Variants in BCAS1 observed in about 807,000 individuals in gnomAD.
BCAS1 encodes the protein breast carcinoma-amplified sequence 1.
In BCAS1, 46 loss-of-function variants were observed where a neutral mutation model predicts 65.4. The observed-to-expected ratio is 0.70, with a 90% CI of 0.55 to 0.90. BCAS1 has a LOEUF of 0.90. BCAS1 is among the 40% of genes least tolerant of loss of function. The pLI is 0.00. For synonymous variants in BCAS1, 298 were observed against 293.5 expected, an observed-to-expected ratio of 1.02 and a Z score of -0.16; for missense variants, 793 against 771.2, an observed-to-expected ratio of 1.03 and a Z score of -0.33.
chr20:53,952,359 T>C (rs2089554711), intron 12 of BCAS1, among the ~76,000 whole-genome samples: 1 of 152,206 alleles, frequency 6.6e-6, no homozygotes. Flanking sequence ...GCTTCCATTT[T>C]GTAGAGGAGA....
chr20:54,069,115 C>T (rs928775281), intron 1 of BCAS1, among the ~76,000 whole-genome samples: 1 of 152,160 alleles, frequency 6.6e-6, no homozygotes, highest in Admixed American at 6.5e-5. Context: ...GCATGCCCCG[C>T]CCCGTCTGTT....
At chr20:53,992,678 C>T in intron 6 of BCAS1, 32 bp from the exon 7 acceptor site, 1 of 1,363,700 alleles carries the variant, frequency 7.3e-7, no homozygotes, top group Non-Finnish European at 9.8e-7. Context: ...AACCTCAGAA[C>T]TTTGTTTTTG....
At chr20:54,060,797 C>T (rs776420162) in intron 1 of BCAS1, among the ~76,000 whole-genome samples, 4 of 151,970 alleles carry the variant, frequency 2.6e-5, no homozygotes, top group Non-Finnish European at 5.9e-5. Flanking sequence ...TTGTAAGCAC[C>T]CTGACGTCAA....
chr20:54,055,664 A>G (rs992881131), intron 3 of BCAS1, among the ~76,000 whole-genome samples: 1 of 152,196 alleles, frequency 6.6e-6, no homozygotes, highest in Admixed American at 6.5e-5. Context: ...TATATCTAAA[A>G]AAGTGAAAGA....
In BCAS1 at chr20:54,061,121, T is replaced by C. The variant is rs1318715135; in HGVS notation, c.-5-2398A>G. Among the ~76,000 whole-genome samples, 4 of 152,190 alleles carry C rather than the reference T, an allele frequency of 2.6e-5. No homozygotes were observed. The East Asian group carries it at 5.8e-4, about 22-fold the overall frequency. On this transcript the variant is annotated intron_variant, in intron 1 of 12. Transcript: ENST00000688948. ...GTAGTCCTATAGCACTCCTGTGAGA[T>C]AGAGGTATCATGATTTCATTCTTCA... is the stretch of plus-strand genomic sequence containing the variant.
intron 10 of BCAS1, among the ~76,000 whole-genome samples, chr20:53,959,087 TTTGATATTATTA>T (rs1290632785): frequency 6.6e-6 from 1 of 152,128 alleles, no homozygotes; most frequent in Non-Finnish European, 1.5e-5. Context: ...CTTCTTTATT[TTTGATATTATTA>T]TTGTTTTTAA....
chr20:53,960,013 C>A (rs1333439548), intron 10 of BCAS1, among the ~76,000 whole-genome samples: 1 of 152,218 alleles, frequency 6.6e-6, no homozygotes, highest in Non-Finnish European at 1.5e-5. Context: ...CCTCCAAATT[C>A]GGGCTGTGTC....
intron 3 of BCAS1, among the ~76,000 whole-genome samples, chr20:54,045,993 T>C (rs1393410451): frequency 6.6e-6 from 1 of 152,016 alleles, no homozygotes; most frequent in Non-Finnish European, 1.5e-5. Flanking sequence ...AGATGTGAGA[T>C]GAGGAAGAAG....
intron 4 of BCAS1, among the ~76,000 whole-genome samples, chr20:54,022,005 T>C (rs1278419188): frequency 1.3e-5 from 2 of 152,212 alleles, no homozygotes; most frequent in Non-Finnish European, 2.9e-5. Flanking sequence ...CAGACTTGCT[T>C]GATGCAGGAT....
intron 7 of BCAS1, among the ~76,000 whole-genome samples, chr20:53,988,857 G>A (rs777956721): frequency 6.6e-6 from 1 of 152,170 alleles, no homozygotes; most frequent in Non-Finnish European, 1.5e-5. Context: ...GCTGACAGCT[G>A]AATCCAGGGA....
chr20:54,012,300 G>A (rs1317431537), intron 4 of BCAS1, among the ~76,000 whole-genome samples: 2 of 152,148 alleles, frequency 1.3e-5, no homozygotes, highest in African/African-American at 4.8e-5. Flanking sequence ...CAGTATCCTT[G>A]TGGGGATAAA....
intron 10 of BCAS1, among the ~76,000 whole-genome samples, chr20:53,961,644 T>C (rs1316768376): frequency 6.6e-6 from 1 of 152,218 alleles, no homozygotes; most frequent in Non-Finnish European, 1.5e-5. Context: ...TAGAACACAT[T>C]ACTAAAGAAA....
At chr20:54,066,146 C>T (rs992216882) in intron 1 of BCAS1, among the ~76,000 whole-genome samples, 3 of 151,304 alleles carry the variant, frequency 2.0e-5, no homozygotes, top group Non-Finnish European at 4.4e-5. Context: ...CATTTCGGCT[C>T]ACTGCAAGCT....
intron 1 of BCAS1, among the ~76,000 whole-genome samples, chr20:54,065,487 C>T (rs1334477068): frequency 6.6e-6 from 1 of 152,136 alleles, no homozygotes; most frequent in Admixed American, 6.5e-5. Context: ...GCACTGGTAT[C>T]CGGTGGGTAG....
Position 53,985,507 on chromosome 20 carries a change from G to A in BCAS1, c.1063-8C>T, listed in dbSNP as rs762072059. On this transcript the variant is annotated splice_region_variant and splice_polypyrimidine_tract_variant and intron_variant, in intron 7 of 12. Transcript: ENST00000688948. ...GGGTGACTTTTCAGCACCCTAAAGAGTTAAAAAAAATGGAGGGAAAACATT... is the reference window on the plus strand; with the variant it reads ...GGGTGACTTTTCAGCACCCTAAAGAATTAAAAAAAATGGAGGGAAAACATT... 1.6e-5 allele frequency: 26 copies of A among 1,607,512 alleles called. No individual in the cohort carries two copies. The highest frequency in any genetic ancestry group is 1.8e-5 in the Non-Finnish European group (21 of 1,177,750).
At chr20:54,012,009 C>A (rs1465359341) in intron 4 of BCAS1, among the ~76,000 whole-genome samples, 3 of 152,154 alleles carry the variant, frequency 2.0e-5, no homozygotes, top group Non-Finnish European at 4.4e-5. Context: ...AAAGTTGGAA[C>A]AACCAAACAT....
intron 1 of BCAS1, among the ~76,000 whole-genome samples, chr20:54,063,453 C>T (rs936431262): frequency 1.3e-5 from 2 of 152,186 alleles, no homozygotes; most frequent in African/African-American, 4.8e-5. Context: ...CCCACAGGTG[C>T]CCGGTAGTGA....
intron 9 of BCAS1, among the ~76,000 whole-genome samples, chr20:53,967,795 C>CA (rs1712139176): frequency 6.6e-6 from 1 of 152,242 alleles, no homozygotes; most frequent in Admixed American, 6.5e-5. Flanking sequence ...ACTCTGCTCT[C>CA]AACTTGTGTT....
chr20:54,018,472 G>A (rs979951169), intron 4 of BCAS1, among the ~76,000 whole-genome samples: 54 of 151,754 alleles, frequency 3.6e-4, no homozygotes, highest in Non-Finnish European at 6.2e-4. Flanking sequence ...GAGTGGCTGG[G>A]ACTACAGGCG....
Sources: gnomAD v4.1 joint callset for allele counts (sites outside exome capture counted in the v4.1 genomes callset) on GRCh38, gnomAD v4.1.1 for gene constraint, MANE v1.5 for transcripts, NCBI Gene and HGNC (gene_info 2026-07-23, HGNC 2026-07-21) for gene names.